EIPR1: variants seen among roughly 807,000 people sequenced by gnomAD.
EIPR1 encodes the protein EARP complex and GARP complex interacting protein 1.
Under a neutral mutation model 48.1 loss-of-function variants are expected in EIPR1, and 25 were observed. The ratio of observed to expected loss-of-function variants is 0.52; its 90% CI spans 0.38 to 0.73. The LOEUF is 0.73. Ranked by LOEUF, EIPR1 falls within the 30% of genes least tolerant of loss-of-function variation. The pLI, the probability that EIPR1 is intolerant of heterozygous loss-of-function variation, is 0.00. For synonymous variants in EIPR1, 204 were observed against 201.9 expected, an observed-to-expected ratio of 1.01 and a Z score of -0.09; for missense variants, 415 against 506.2, an observed-to-expected ratio of 0.82 and a Z score of 1.73.
intron 2 of EIPR1, 30 bp downstream of exon 2, chr2:3,354,520 A>G: frequency 6.3e-7 from 1 of 1,596,542 alleles, no homozygotes; most frequent in East Asian, 2.2e-5. Context: ...CTTAGTAATT[A>G]TCATGTATAC....
intron 3 of EIPR1, among the ~76,000 whole-genome samples, chr2:3,273,263 A>C (rs568825187): frequency 6.6e-6 from 1 of 152,358 alleles, no homozygotes; most frequent in South Asian, 2.1e-4. Flanking sequence ...AGGGAAGTGA[A>C]GAATACGACT....
intron 4 of EIPR1, among the ~76,000 whole-genome samples, chr2:3,237,300 G>A (rs1666438822): frequency 6.8e-6 from 1 of 146,160 alleles, no homozygotes; most frequent in South Asian, 2.2e-4. Flanking sequence ...GCCTTATCCA[G>A]TTTCGCTTTC....
At chr2:3,376,252 G>A (rs974383930) in intron 1 of EIPR1, among the ~76,000 whole-genome samples, 1 of 152,160 alleles carries the variant, frequency 6.6e-6, no homozygotes, top group Non-Finnish European at 1.5e-5. Context: ...AGGTGGGGGG[G>A]AGGGAGATGC....
intron 5 of EIPR1, among the ~76,000 whole-genome samples, chr2:3,205,983 G>A (rs116220053): frequency 0.014 from 2,154 of 152,296 alleles, 18 homozygotes; most frequent in Non-Finnish European, 0.022. Flanking sequence ...ACTCAGAAGA[G>A]CTCTGAGTGG....
chr2:3,231,333 T>G (rs1666237135), intron 4 of EIPR1, among the ~76,000 whole-genome samples: 1 of 152,206 alleles, frequency 6.6e-6, no homozygotes, highest in South Asian at 2.1e-4. Flanking sequence ...GCCTTTTATT[T>G]CTTTTTCTTG....
At chr2:3,274,949 A>G (rs998409242) in intron 3 of EIPR1, among the ~76,000 whole-genome samples, 1 of 152,172 alleles carries the variant, frequency 6.6e-6, no homozygotes, top group Non-Finnish European at 1.5e-5. Context: ...GAAATGGAGC[A>G]AAAACAAGAT....
Position 3,257,578 on chromosome 2 carries a change from G to A in EIPR1, c.260-123C>T, listed in dbSNP as rs140596467. On this transcript the variant is annotated intron_variant, in intron 3 of 8. Coordinates refer to ENST00000382125, the MANE Select transcript of EIPR1 (RefSeq NM_003310.5). ...CGCATCTGCTCTTTAAAATATGTACGATTGCAGGCAGCAAAGACGGAGCAG... is the reference window on the plus strand; with the variant it reads ...CGCATCTGCTCTTTAAAATATGTACAATTGCAGGCAGCAAAGACGGAGCAG... The A allele has an allele frequency of 2.1e-5, 25 of 1,213,938 alleles. No individual in the cohort carries two copies. The Admixed American group carries it at 2.4e-4, about 11-fold the overall frequency. The allele number at this position is 1,213,938 out of a possible 1,614,324, so 75.2% of individuals were successfully genotyped here. A position where few individuals can be genotyped will look rare whatever the true frequency, so the allele number is the denominator to read the frequency against.
intron 2 of EIPR1, among the ~76,000 whole-genome samples, chr2:3,338,723 G>A (rs749102629): frequency 9.2e-5 from 14 of 152,196 alleles, no homozygotes; most frequent in Non-Finnish European, 1.0e-4. Context: ...TCCAACAGCC[G>A]TTGGTGTCTA....
chr2:3,269,431 CTCAA>C (rs1667614566), intron 3 of EIPR1, among the ~76,000 whole-genome samples: 1 of 100,600 alleles, frequency 9.9e-6, no homozygotes, highest in African/African-American at 4.0e-5. Flanking sequence ...AATCATCACA[CTCAA>C]TCATCACCAC....
At chr2:3,203,510 C>T (rs1665119516) in intron 5 of EIPR1, among the ~76,000 whole-genome samples, 2 of 152,222 alleles carry the variant, frequency 1.3e-5, no homozygotes, top group African/African-American at 4.8e-5. Context: ...AGCACTGAGT[C>T]GGACAGGAGA....
At chr2:3,310,489 TAA>T (rs1669093342) in intron 3 of EIPR1, among the ~76,000 whole-genome samples, 1 of 139,316 alleles carries the variant, frequency 7.2e-6, no homozygotes, top group Admixed American at 6.9e-5. Context: ...CCGTCTCTAC[TAA>T]AAATACAAAA....
At chr2:3,366,972 G>C (rs1319333968) in intron 1 of EIPR1, among the ~76,000 whole-genome samples, 2 of 152,156 alleles carry the variant, frequency 1.3e-5, no homozygotes, top group African/African-American at 4.8e-5. Flanking sequence ...TTGAACCTGG[G>C]AGGTGGAGGT....
At chr2:3,244,071 C>G (rs1335910205) in intron 4 of EIPR1, among the ~76,000 whole-genome samples, 1 of 152,264 alleles carries the variant, frequency 6.6e-6, no homozygotes, top group Non-Finnish European at 1.5e-5. Flanking sequence ...GGCTCCCTCA[C>G]TGCAGAGCTC....
At chr2:3,292,214 C>T (rs543958858) in intron 3 of EIPR1, among the ~76,000 whole-genome samples, 7 of 152,242 alleles carry the variant, frequency 4.6e-5, no homozygotes, top group Non-Finnish European at 1.0e-4. Flanking sequence ...CAGGTGACTG[C>T]GCGGCCAGAC....
At chr2:3,209,052 G>T in intron 5 of EIPR1, 4 of 1,437,442 alleles carry the variant, frequency 2.8e-6, no homozygotes, top group South Asian at 3.0e-5. Flanking sequence ...TTTCCGGGAC[G>T]CCTGCTGGTG....
At chr2:3,342,853 T>C (rs1670292318) in intron 2 of EIPR1, among the ~76,000 whole-genome samples, 1 of 152,250 alleles carries the variant, frequency 6.6e-6, no homozygotes, top group South Asian at 2.1e-4. Flanking sequence ...TATTTTATGG[T>C]TGATTCATAG....
At chr2:3,319,160 G>C in intron 3 of EIPR1, 1 of 338,766 alleles carries the variant, frequency 3.0e-6, no homozygotes, top group Non-Finnish European at 5.9e-6. Flanking sequence ...CATCCTGCGT[G>C]ACAAAAACCA....
chr2:3,280,031 T>C (rs1156352975), intron 3 of EIPR1, among the ~76,000 whole-genome samples: 1 of 152,244 alleles, frequency 6.6e-6, no homozygotes, highest in Non-Finnish European at 1.5e-5. Context: ...TATTTTTATG[T>C]ATTTGTATGA....
At chr2:3,199,857 AGAGGTGACATGGGTGTGTC>A in intron 5 of EIPR1, among the ~76,000 whole-genome samples, 1 of 125,660 alleles carries the variant, frequency 8.0e-6, no homozygotes, top group African/African-American at 3.1e-5. Flanking sequence ...GCATCTGGGC[AGAGGTGACATGGGTGTGTC>A]TGCATCTGGG....
Sources: allele counts gnomAD v4.1 joint callset (sites outside exome capture counted in the v4.1 genomes callset), GRCh38; gene constraint gnomAD v4.1.1; transcripts MANE v1.5; gene names NCBI Gene and HGNC (gene_info 2026-07-23, HGNC 2026-07-21).